ARAP2: variants seen among roughly 807,000 people sequenced by gnomAD.
ARAP2 encodes the protein ArfGAP with RhoGAP domain, ankyrin repeat and PH domain 2, also known as arf-GAP with Rho-GAP domain, ANK repeat and PH domain-containing protein 2.
Under a neutral mutation model 194.5 loss-of-function variants are expected in ARAP2, and 148 were observed. The observed-to-expected ratio is 0.76, with a 90% CI of 0.67 to 0.87. The LOEUF (loss-of-function observed/expected upper bound fraction) is 0.87. Among genes scored for constraint, ARAP2 ranks in the 40% least tolerant of loss-of-function variants. The pLI is 0.00. For synonymous variants in ARAP2, 695 were observed against 683.5 expected (o/e 1.02, Z -0.26); for missense variants, 2,128 against 1,989.7 (o/e 1.07, Z -1.32).
intron 21 of ARAP2, among the ~76,000 whole-genome samples, chr4:36,126,540 A>T (rs1484980826): frequency 6.6e-6 from 1 of 152,044 alleles, no homozygotes; most frequent in East Asian, 1.9e-4. Context: ...TCAGGTATAC[A>T]GTACATCAAA....
At chr4:36,033,634 A>G (rs1164947302) in intron 5 of ARAP2, among the ~76,000 whole-genome samples, 1 of 152,140 alleles carries the variant, frequency 6.6e-6, no homozygotes, top group Non-Finnish European at 1.5e-5. Context: ...TTTGCTGTGC[A>G]GAAGCTCTTA....
chr4:36,119,697 G>C lies in ARAP2; in HGVS notation c.3916C>G (p.Gln1306Glu). 6.2e-7 allele frequency: 1 copy of C among 1,602,898 alleles called. No individual in the cohort carries two copies. The highest frequency in any genetic ancestry group is 8.5e-7 in the Non-Finnish European group (1 of 1,171,684). Residue 1306 changes from glutamine (Q) to glutamate (E), a missense_variant, in exon 24 of 33, where the codon CAA becomes GAA. Transcript: ENST00000303965. ...ATAAAGCTATTTTCTATGTCCATTT[G>C]TTTGACTTGATCTTCTTTAACCTGT... ...IFEVKEDQVK[Q>E]MDIENSFITK...
chr4:36,159,706 C>T (rs1458409722), intron 13 of ARAP2: 4 of 389,634 alleles, frequency 1.0e-5, no homozygotes, highest in African/African-American at 2.1e-5. Flanking sequence ...CAACCCAAGA[C>T]CTCCAGGTCT....
At chr4:36,163,747 AG>A in intron 11 of ARAP2, among the ~76,000 whole-genome samples, 1 of 152,122 alleles carries the variant, frequency 6.6e-6, no homozygotes, top group East Asian at 1.9e-4. Flanking sequence ...TATCCTAAGG[AG>A]GGAAGAAAGA....
intron 26 of ARAP2, among the ~76,000 whole-genome samples, chr4:36,111,762 T>C (rs1720052317): frequency 6.6e-6 from 1 of 152,024 alleles, no homozygotes; most frequent in South Asian, 2.1e-4. Context: ...TTTCTTGGTA[T>C]AATGCAACCC....
chr4:36,147,867 G>T (rs1037337638), intron 17 of ARAP2, 121 bp from the exon 18 acceptor site: 7 of 850,632 alleles, frequency 8.2e-6, no homozygotes, highest in Non-Finnish European at 1.1e-5. Flanking sequence ...AGATTCAAAG[G>T]TAACACCAAA....
At chr4:36,060,189 T>C (rs1216762730) in intron 1 of ARAP2, among the ~76,000 whole-genome samples, 24 of 152,196 alleles carry the variant, frequency 1.6e-4, no homozygotes, top group Non-Finnish European at 3.2e-4. Context: ...GGTTGATTAC[T>C]CAGTCGTTTA....
chr4:36,098,881 CT>C (rs368241535), intron 27 of ARAP2, among the ~76,000 whole-genome samples: 4 of 151,940 alleles, frequency 2.6e-5, no homozygotes, highest in African/African-American at 4.8e-5. Context: ...TAATTTAACT[CT>C]TTTTTTTATT....
chr4:36,234,727 G>A (rs1004168699), intron 1 of ARAP2, among the ~76,000 whole-genome samples: 17 of 152,032 alleles, frequency 1.1e-4, no homozygotes, highest in African/African-American at 3.9e-4. Context: ...GTTAATACAG[G>A]CACAGCACTT....
At chr4:36,146,941 A>G (rs1229353257) in intron 19 of ARAP2, among the ~76,000 whole-genome samples, 1 of 152,094 alleles carries the variant, frequency 6.6e-6, no homozygotes, top group Non-Finnish European at 1.5e-5. Flanking sequence ...ACATGCATAG[A>G]TAATTCAGAA....
At chr4:36,161,433 TCA>T in intron 12 of ARAP2, 30 bp downstream of exon 12, 1 of 1,583,988 alleles carries the variant, frequency 6.3e-7, no homozygotes, top group Non-Finnish European at 8.7e-7. Flanking sequence ...TGAACCCCTA[TCA>T]CAACCCCATT....
rs147071331 is a variant in ARAP2, at chr4:36,082,211, C to G, written c.4544+40G>C. The G allele has an allele frequency of 3.8e-6, 6 of 1,567,116 alleles. No homozygotes were observed. The African/African-American group carries it at 8.2e-5, about 21-fold the overall frequency. ...AATTATTCTTTTCCTGAAATTGTCA[C>G]CAATATATTATGTCCAAAAGTTGTC... On this transcript the variant is annotated intron_variant, in intron 30 of 32. Transcript: ENST00000303965.
chr4:36,096,010 A>G (rs1013134581), intron 27 of ARAP2, among the ~76,000 whole-genome samples: 1 of 152,142 alleles, frequency 6.6e-6, no homozygotes, highest in Non-Finnish European at 1.5e-5. Context: ...TATTAAGGTG[A>G]TAGAACTTTA....
intron 5 of ARAP2, among the ~76,000 whole-genome samples, chr4:36,020,828 T>C (rs2109338318): frequency 6.6e-6 from 1 of 152,334 alleles, no homozygotes; most frequent in Middle Eastern, 3.4e-3. Context: ...AATAAGTGGC[T>C]GTGACATTCA....
chr4:36,145,997 G>A (rs1428910372), intron 19 of ARAP2, among the ~76,000 whole-genome samples: 1 of 151,900 alleles, frequency 6.6e-6, no homozygotes, highest in Non-Finnish European at 1.5e-5. Context: ...AGACATCTCC[G>A]AGTTACCATT....
chr4:36,092,324 T>C (rs4833083), intron 27 of ARAP2, among the ~76,000 whole-genome samples: 60,837 of 152,160 alleles, frequency 0.4, 13,729 homozygotes, highest in Middle Eastern at 0.53. Context: ...AAAAAATATA[T>C]ATCGGCTGGG....
chr4:36,160,655 A>AG lies in ARAP2; in HGVS notation c.2260-15_2260-14insC, dbSNP rs1241418214. On this transcript the variant is annotated splice_polypyrimidine_tract_variant and intron_variant, in intron 12 of 32. Transcript: ENST00000303965. ...GACAATAAAAAGCTGAATTGTCAAAAAAAAAACCCCATAATATATCAGTTC... is the reference window on the plus strand; with the variant it reads ...GACAATAAAAAGCTGAATTGTCAAAAGAAAAAACCCCATAATATATCAGTTC... 1 of 1,444,764 alleles carries AG rather than the reference A, an allele frequency of 6.9e-7. No individual in the cohort carries two copies. The highest frequency in any genetic ancestry group is 9.1e-7 in the Non-Finnish European group (1 of 1,103,162). 89.5% of individuals were successfully genotyped at this position (1,444,764 alleles called of 1,614,324 possible).
intron 1 of ARAP2, among the ~76,000 whole-genome samples, chr4:36,238,836 T>C (rs1752933772): frequency 6.6e-6 from 1 of 152,308 alleles, no homozygotes. Flanking sequence ...CACAGGACTA[T>C]AGTACAATTG....
At chr4:36,040,912 T>C (rs1005071602) in intron 5 of ARAP2, among the ~76,000 whole-genome samples, 3 of 152,186 alleles carry the variant, frequency 2.0e-5, no homozygotes, top group African/African-American at 7.2e-5. Flanking sequence ...TTTTGTCTTG[T>C]GCCTGTTTTC....
Sources: allele counts gnomAD v4.1 joint callset (sites outside exome capture counted in the v4.1 genomes callset), GRCh38; gene constraint gnomAD v4.1.1; transcripts MANE v1.5; gene names NCBI Gene and HGNC (gene_info 2026-07-23, HGNC 2026-07-21).